Variants in BMAL1 observed in about 807,000 individuals in gnomAD.
BMAL1 encodes basic helix-loop-helix ARNT-like protein 1.
At chr11:13,369,911 C>G in the BMAL1 span, 1 of 1,047,410 alleles carries the variant, frequency 9.5e-7, no homozygotes, top group Non-Finnish European at 1.4e-6. Context: ...CTGCAGTCCT[C>G]CCTATGTGTA....
chr11:13,347,980 A>G, the BMAL1 span, among the ~76,000 whole-genome samples: 2 of 152,190 alleles, frequency 1.3e-5, no homozygotes, highest in Admixed American at 6.5e-5. Flanking sequence ...GGAGACGCCT[A>G]TAAATAAGGC....
the BMAL1 span, among the ~76,000 whole-genome samples, chr11:13,351,731 G>A: frequency 6.6e-6 from 1 of 152,188 alleles, no homozygotes; most frequent in Non-Finnish European, 1.5e-5. Flanking sequence ...AGTGAGAAGG[G>A]CGAGGTCAGC....
the BMAL1 span, among the ~76,000 whole-genome samples, chr11:13,361,194 C>T: frequency 2.5e-4 from 38 of 152,090 alleles, no homozygotes; most frequent in Non-Finnish European, 4.4e-4. Flanking sequence ...CTTGAGTGCT[C>T]TCTCTGTCTT....
the BMAL1 span, among the ~76,000 whole-genome samples, chr11:13,299,326 C>T: frequency 6.6e-6 from 1 of 152,064 alleles, no homozygotes. Context: ...AGTGTAATAC[C>T]CATGTGTTCA....
At chr11:13,372,359 A>C in the BMAL1 span, 1 of 1,614,158 alleles carries the variant, frequency 6.2e-7, no homozygotes, top group Non-Finnish European at 8.5e-7. Context: ...AATCTATGGA[A>C]TATGTTTCTC....
the BMAL1 span, among the ~76,000 whole-genome samples, chr11:13,348,821 G>A: frequency 6.6e-6 from 1 of 152,226 alleles, no homozygotes; most frequent in African/African-American, 2.4e-5. Context: ...GAGGCTGGAA[G>A]CAGTTGTATT....
chr11:13,372,362 T>C, the BMAL1 span: 34 of 1,614,014 alleles, frequency 2.1e-5, no homozygotes, highest in Non-Finnish European at 2.9e-5. Flanking sequence ...CTATGGAATA[T>C]GTTTCTCGGC....
the BMAL1 span, chr11:13,354,279 G>T: frequency 1.5e-6 from 2 of 1,350,360 alleles, no homozygotes; most frequent in Non-Finnish European, 2.0e-6. Context: ...ACACACCTTT[G>T]TGCCTCTTGT....
the BMAL1 span, chr11:13,386,768 T>G: frequency 1.2e-6 from 2 of 1,612,458 alleles, no homozygotes; most frequent in South Asian, 2.2e-5. Flanking sequence ...CACTACATGT[T>G]GCTTTGGCAA....
chr11:13,348,892 A>G, the BMAL1 span, among the ~76,000 whole-genome samples: 4 of 152,222 alleles, frequency 2.6e-5, no homozygotes. Context: ...AAAGACTGCA[A>G]GAATTAGCCA....
the BMAL1 span, among the ~76,000 whole-genome samples, chr11:13,284,402 A>AC: frequency 6.7e-6 from 1 of 150,328 alleles, no homozygotes; most frequent in African/African-American, 2.5e-5. Context: ...ATTAGATACC[A>AC]CTTTTTTTTT....
At chr11:13,364,903 T>TAG in the BMAL1 span, among the ~76,000 whole-genome samples, 1 of 152,158 alleles carries the variant, frequency 6.6e-6, no homozygotes, top group East Asian at 1.9e-4. Flanking sequence ...CTATGTACAT[T>TAG]AGAATCACAT....
chr11:13,355,306 C>G, the BMAL1 span: 1 of 1,613,564 alleles, frequency 6.2e-7, no homozygotes, highest in Non-Finnish European at 8.5e-7. Flanking sequence ...TGTAAGTTAT[C>G]CCAGATGATT....
At chr11:13,285,474 C>T in the BMAL1 span, among the ~76,000 whole-genome samples, 19 of 152,108 alleles carry the variant, frequency 1.2e-4, no homozygotes, top group East Asian at 7.7e-4. Context: ...AAAGCAGTAG[C>T]GATGAGGTAT....
the BMAL1 span, among the ~76,000 whole-genome samples, chr11:13,332,809 A>T: frequency 6.6e-6 from 1 of 152,062 alleles, no homozygotes; most frequent in East Asian, 1.9e-4. Flanking sequence ...GTGCTGAAGA[A>T]CACTAAAACC....
chr11:13,375,527 T>A, the BMAL1 span: 1 of 1,180,348 alleles, frequency 8.5e-7, no homozygotes, highest in East Asian at 2.7e-5. Context: ...GGAGCTCAAG[T>A]ACCTTTAATA....
At chr11:13,299,861 A>G in the BMAL1 span, among the ~76,000 whole-genome samples, 1 of 152,162 alleles carries the variant, frequency 6.6e-6, no homozygotes, top group Non-Finnish European at 1.5e-5. Context: ...GCCTTTGCTC[A>G]GCATTAGCCT....
the BMAL1 span, among the ~76,000 whole-genome samples, chr11:13,377,196 C>T: frequency 4.6e-5 from 7 of 152,208 alleles, no homozygotes; most frequent in Admixed American, 1.3e-4. Flanking sequence ...ACCATCCCCA[C>T]ATGCATGGCT....
the BMAL1 span, among the ~76,000 whole-genome samples, chr11:13,297,677 C>G: frequency 6.6e-6 from 1 of 152,186 alleles, no homozygotes; most frequent in Non-Finnish European, 1.5e-5. Context: ...TGTGCTAGGC[C>G]CTGCCAAGCT....
Sources: allele counts gnomAD v4.1 joint callset (sites outside exome capture counted in the v4.1 genomes callset), GRCh38; gene constraint gnomAD v4.1.1; transcripts MANE v1.5; gene names NCBI Gene and HGNC (gene_info 2026-07-23, HGNC 2026-07-21).